Variants in PCDHGA1 observed in about 807,000 individuals in gnomAD.
The protein encoded by PCDHGA1 is protocadherin gamma-A1.
PCDHGA1 carries 32 observed loss-of-function variants against 58.0 expected under a neutral mutation model. That is an observed-to-expected ratio of 0.55 (90% CI 0.42 to 0.74). PCDHGA1 has a LOEUF of 0.74. Among genes scored for constraint, PCDHGA1 ranks in the 30% least tolerant of loss-of-function variants. The pLI, the probability that PCDHGA1 is intolerant of heterozygous loss-of-function variation, is 0.00. For missense variants in PCDHGA1, 1,205 were observed against 1,182.3 expected (o/e 1.02, Z -0.28); for synonymous variants, 498 against 501.1 (o/e 0.99, Z 0.08).
intron 1 of PCDHGA1, chr5:141,408,432 T>C (rs370073451): frequency 3.1e-6 from 5 of 1,613,972 alleles, no homozygotes; most frequent in Non-Finnish European, 4.2e-6. Flanking sequence ...CACTTCAGCG[T>C]AGACGCGGAG....
intron 1 of PCDHGA1, chr5:141,376,312 G>A (rs984837472): frequency 6.2e-7 from 1 of 1,614,060 alleles, no homozygotes; most frequent in African/African-American, 1.3e-5. Flanking sequence ...TTGTGGGCGT[G>A]GAAGGGGTTC....
chr5:141,504,941 T>G (rs2099842166), intron 2 of PCDHGA1, among the ~76,000 whole-genome samples: 1 of 152,046 alleles, frequency 6.6e-6, no homozygotes, highest in East Asian at 1.9e-4. Flanking sequence ...GGTGGGGGAA[T>G]GCACTATGTT....
In PCDHGA1 at chr5:141,365,883, G is replaced by A. The variant is rs758025937; in HGVS notation, c.2421+32778G>A. 110 of 1,614,012 alleles carry A rather than the reference G, an allele frequency of 6.8e-5. No individual in the cohort carries two copies. Among genetic ancestry groups the A allele is most frequent in the Non-Finnish European group, 9.0e-5 (106 of 1,179,994 alleles). Reference sequence around the variant, plus strand: ...GACACCGGTGTCCTGTATGCTCTGAGATCCTTCGACTATGAGCAGTTGAGA... The same window carrying A: ...GACACCGGTGTCCTGTATGCTCTGAAATCCTTCGACTATGAGCAGTTGAGA... On this transcript the variant is annotated intron_variant, in intron 1 of 3. Transcript: ENST00000517417.
At chr5:141,468,822 A>C (rs867400152) in intron 1 of PCDHGA1, among the ~76,000 whole-genome samples, 4 of 151,874 alleles carry the variant, frequency 2.6e-5, no homozygotes, top group Middle Eastern at 3.4e-3. Context: ...GCCAAGATCA[A>C]GCCACTGCAC....
At chr5:141,356,037 T>G in intron 1 of PCDHGA1, 1 of 1,614,004 alleles carries the variant, frequency 6.2e-7, no homozygotes, top group East Asian at 2.2e-5. Context: ...ACGTGACGTA[T>G]TCTTTCCGGA....
chr5:141,383,512 G>A (rs755956919), intron 1 of PCDHGA1: 4 of 1,612,576 alleles, frequency 2.5e-6, no homozygotes, highest in Non-Finnish European at 2.5e-6. Context: ...CCGGGAGGAA[G>A]AGCGGGTTCA....
At chr5:141,460,067 G>T (rs1168161575) in intron 1 of PCDHGA1, among the ~76,000 whole-genome samples, 1 of 151,996 alleles carries the variant, frequency 6.6e-6, no homozygotes, top group Non-Finnish European at 1.5e-5. Flanking sequence ...AACAGAGTGA[G>T]ACTTCATCTA....
At position 141,351,965 on chromosome 5, in the gene PCDHGA1, G is replaced by A; in HGVS notation, c.2421+18860G>A. Reference sequence around the variant, plus strand: ...CCCCGCGCTGGGGCCTGATGGCTCCGCCCTCTTCGATATGGTGCCACGCGC... The same window carrying A: ...CCCCGCGCTGGGGCCTGATGGCTCCACCCTCTTCGATATGGTGCCACGCGC... On this transcript the variant is annotated intron_variant, in intron 1 of 3. Coordinates refer to ENST00000517417, the MANE Select transcript of PCDHGA1 (RefSeq NM_018912.3). 1 of 1,612,664 alleles carries A rather than the reference G, an allele frequency of 6.2e-7. No individual in the cohort carries two copies. The highest frequency in any genetic ancestry group is 8.5e-7 in the Non-Finnish European group (1 of 1,179,708).
At chr5:141,469,743 A>G (rs1166798506) in intron 1 of PCDHGA1, among the ~76,000 whole-genome samples, 1 of 152,252 alleles carries the variant, frequency 6.6e-6, no homozygotes, top group Non-Finnish European at 1.5e-5. Context: ...CACCTCAAAA[A>G]TTACAAAAAT....
rs1220422254 is a variant in PCDHGA1 at position 141,334,615 on chromosome 5, TATA to T, written c.2421+1518_2421+1520del. On this transcript the variant is annotated intron_variant, in intron 1 of 3. Transcript: ENST00000517417. The surrounding 1 kb of genome is among the most constrained non-coding windows in gnomAD (Gnocchi z 4.6). ...AGCCACACCCTGTTAAATAAATAAATATAATAATAAAAGCTGTTTCCCAATTCC... is the reference window on the plus strand; with the variant it reads ...AGCCACACCCTGTTAAATAAATAAATATAATAAAAGCTGTTTCCCAATTCC... 11 of 152,290 alleles carry T rather than the reference TATA, an allele frequency of 7.2e-5. No individual in the cohort carries two copies. In the East Asian group the frequency reaches 1.9e-3, roughly 27 times the overall value. The allele number at this position is 152,290 out of a possible 1,614,324, so 9.4% of individuals were successfully genotyped here.
intron 1 of PCDHGA1, among the ~76,000 whole-genome samples, chr5:141,437,777 C>T (rs998490046): frequency 2.0e-5 from 3 of 148,970 alleles, no homozygotes; most frequent in Admixed American, 6.7e-5. Context: ...CTCAATCTGT[C>T]GCCAAGCTGG....
chr5:141,396,439 T>C (rs1191341482), intron 1 of PCDHGA1: 1 of 152,138 alleles, frequency 6.6e-6, no homozygotes, highest in African/African-American at 2.4e-5. Flanking sequence ...GCAAACATGG[T>C]GAAACCCCGT....
At chr5:141,478,816 A>G in intron 1 of PCDHGA1, 1 of 1,450,826 alleles carries the variant, frequency 6.9e-7, no homozygotes, top group Non-Finnish European at 9.1e-7. Context: ...TATCACAACT[A>G]ACCAATCTTG....
intron 1 of PCDHGA1, among the ~76,000 whole-genome samples, chr5:141,460,753 A>ATATACATATTGCATATGTATG (rs1435827019): frequency 4.6e-5 from 7 of 152,094 alleles, no homozygotes; most frequent in Non-Finnish European, 1.0e-4. Flanking sequence ...ATATGTGTAC[A>ATATACATATTGCATATGTATG]TATACATATT....
At chr5:141,433,358 CCTATCTATCTATCTATCTAT>C (rs3074541) in intron 1 of PCDHGA1, 19 of 503,934 alleles carry the variant, frequency 3.8e-5, no homozygotes, top group South Asian at 2.3e-4. Flanking sequence ...CTACTGTCTG[CCTATCTATCTATCTATCTAT>C]CTATCTATCT....
intron 1 of PCDHGA1, chr5:141,361,736 C>T (rs1267225660): frequency 6.2e-7 from 1 of 1,613,182 alleles, no homozygotes; most frequent in Non-Finnish European, 8.5e-7. Flanking sequence ...ACACTGCAGG[C>T]CCGCGACCAG....
intron 1 of PCDHGA1, chr5:141,427,525 CG>C (rs996050026): frequency 4.9e-6 from 3 of 612,098 alleles, no homozygotes; most frequent in Non-Finnish European, 9.2e-6. Flanking sequence ...GAGCGGATCC[CG>C]GAGTACAACG....
chr5:141,418,389 A>G (rs768078575), intron 1 of PCDHGA1: 1 of 1,613,996 alleles, frequency 6.2e-7, no homozygotes, highest in South Asian at 1.1e-5. Context: ...CCTAACGAGT[A>G]TTTCTCATTG....
In PCDHGA1 at chr5:141,431,964, A is replaced by G; in HGVS notation, c.2422-62843A>G. On this transcript the variant is annotated intron_variant, in intron 1 of 3. Coordinates refer to ENST00000517417, the MANE Select transcript of PCDHGA1 (RefSeq NM_018912.3). The surrounding 1 kb of genome is among the most constrained non-coding windows in gnomAD (Gnocchi z 4.8). Reference sequence around the variant, plus strand: ...TTAGAAAAATCTTACGGAAATTACTATAGTTTAGTCACAGACATAGTCTTG... The same window carrying G: ...TTAGAAAAATCTTACGGAAATTACTGTAGTTTAGTCACAGACATAGTCTTG... 2.5e-6 allele frequency: 4 copies of G among 1,614,218 alleles called. No individual in the cohort carries two copies. The highest frequency in any genetic ancestry group is 2.5e-6 in the Non-Finnish European group (3 of 1,180,028).
Sources: allele counts gnomAD v4.1 joint callset (sites outside exome capture counted in the v4.1 genomes callset), GRCh38; gene constraint gnomAD v4.1.1; non-coding constraint Gnocchi (gnomAD v3.1); transcripts MANE v1.5; gene names NCBI Gene and HGNC (gene_info 2026-07-23, HGNC 2026-07-21).